NRG3: variants seen among roughly 807,000 people sequenced by gnomAD.
NRG3 encodes neuregulin 3, also known as pro-neuregulin-3, membrane-bound isoform.
A neutral mutation model predicts 66.9 loss-of-function variants in NRG3; 31 were observed. The observed-to-expected ratio is 0.46, with a 90% confidence interval of 0.35 to 0.63. The LOEUF (loss-of-function observed/expected upper bound fraction) is 0.63. Ranked by LOEUF, NRG3 falls within the 20% of genes least tolerant of loss-of-function variation. The probability of loss-of-function intolerance (pLI) is 0.00; values close to 1 mark genes in which losing one functional copy is unlikely to be tolerated. For synonymous variants in NRG3, 393 were observed against 359.4 expected, an observed-to-expected ratio of 1.09 and a Z score of -1.06; for missense variants, 910 against 878.9, an observed-to-expected ratio of 1.04 and a Z score of -0.45.
intron 1 of NRG3, among the ~76,000 whole-genome samples, chr10:82,349,609 G>T (rs553129317): frequency 6.7e-6 from 1 of 148,234 alleles, no homozygotes; most frequent in Non-Finnish European, 1.5e-5. Flanking sequence ...CGAGCTTCCC[G>T]GCTGCTTTGT....
intron 2 of NRG3, among the ~76,000 whole-genome samples, chr10:82,627,601 C>G (rs570570288): frequency 1.3e-5 from 2 of 152,228 alleles, no homozygotes; most frequent in South Asian, 4.1e-4. Context: ...CTGCAAGACT[C>G]CTTTTAATTA....
chr10:81,878,692 C>T (rs558348547), intron 1 of NRG3, among the ~76,000 whole-genome samples: 3 of 152,036 alleles, frequency 2.0e-5, no homozygotes, highest in Admixed American at 2.0e-4. Flanking sequence ...TCTTTCCGTC[C>T]TTTCTTTTTT....
At chr10:82,899,718 A>G (rs1844024501) in intron 4 of NRG3, among the ~76,000 whole-genome samples, 1 of 152,168 alleles carries the variant, frequency 6.6e-6, no homozygotes, top group African/African-American at 2.4e-5. Context: ...AAAGGTGTAG[A>G]GGGAAATATT....
intron 2 of NRG3, among the ~76,000 whole-genome samples, chr10:82,705,549 A>G (rs2056226097): frequency 6.6e-6 from 1 of 152,180 alleles, no homozygotes; most frequent in African/African-American, 2.4e-5. Context: ...TCCAAGCTGC[A>G]GGGTCCACAA....
In NRG3 at chr10:82,883,136, G is replaced by A. The variant is rs150676368; in HGVS notation, c.1054+17699G>A. Among the ~76,000 whole-genome samples the A allele has an allele frequency of 8.3e-3, 1,268 of 152,200 alleles. 16 individuals are homozygous for A. Among genetic ancestry groups the A allele is most frequent in the Non-Finnish European group, 8.5e-3 (579 of 68,002 alleles). On this transcript the variant is annotated intron_variant, in intron 4 of 8. Transcript: ENST00000372141. ...AGTTACATAATATGTTGATGTATGC[G>A]GAATGTGCTATATAAGAAGGCATGC... is the stretch of plus-strand genomic sequence containing the variant.
chr10:82,858,421 T>C (rs866035877), intron 3 of NRG3, among the ~76,000 whole-genome samples: 2 of 152,140 alleles, frequency 1.3e-5, no homozygotes, highest in South Asian at 2.1e-4. Context: ...TCCATACTCT[T>C]ATCTCGGAGC....
chr10:82,560,210 A>AT (rs1323876681), intron 2 of NRG3, among the ~76,000 whole-genome samples: 3 of 151,586 alleles, frequency 2.0e-5, no homozygotes, highest in East Asian at 3.9e-4. Context: ...CTTTTAACTT[A>AT]TTTTTTCCAG....
At chr10:82,396,071 G>A (rs1305467892) in intron 2 of NRG3, among the ~76,000 whole-genome samples, 1 of 152,152 alleles carries the variant, frequency 6.6e-6, no homozygotes, top group Admixed American at 6.5e-5. Context: ...TAGTATGGAG[G>A]GAATGAGTTT....
In NRG3 at chr10:82,587,600, T is replaced by A. The variant is rs376525563; in HGVS notation, c.954-150977T>A. On this transcript the variant is annotated intron_variant, in intron 2 of 8. Coordinates refer to ENST00000372141, the MANE Select transcript of NRG3 (RefSeq NM_001010848.4). ...GAACAACCAAGAGGTAGGCCCAACA[T>A]CATCCAGGCTCTCCAGCCCAATCTT... Among the ~76,000 whole-genome samples the A allele has an allele frequency of 7.9e-5, 12 of 152,310 alleles. No individual in the cohort carries two copies. The South Asian group carries it at 1.5e-3, about 18-fold the overall frequency.
At chr10:82,829,921 A>G (rs1027513704) in intron 3 of NRG3, among the ~76,000 whole-genome samples, 1 of 152,178 alleles carries the variant, frequency 6.6e-6, no homozygotes, top group Non-Finnish European at 1.5e-5. Context: ...CGTCAATGAG[A>G]TACTTGCCCC....
chr10:82,178,469 C>T (rs538784537), intron 1 of NRG3, among the ~76,000 whole-genome samples: 4 of 152,120 alleles, frequency 2.6e-5, no homozygotes, highest in Non-Finnish European at 2.9e-5. Flanking sequence ...TAAGTGGAAT[C>T]GAGCAGTATT....
At chr10:82,462,059 A>G (rs531651290) in intron 2 of NRG3, among the ~76,000 whole-genome samples, 33 of 152,282 alleles carry the variant, frequency 2.2e-4, no homozygotes, top group African/African-American at 7.7e-4. Flanking sequence ...TGAACCCGGG[A>G]GGCGGAGGTG....
rs577136420 is a variant in NRG3 at position 81,951,850 on chromosome 10, T to G, written c.823+75687T>G. On this transcript the variant is annotated intron_variant, in intron 1 of 8. Transcript: ENST00000372141. ...ATGTTTACTGCGGCACTATTCACAATAGCAAAGACTTGGAACCAACCCAAA... is the reference window on the plus strand; with the variant it reads ...ATGTTTACTGCGGCACTATTCACAAGAGCAAAGACTTGGAACCAACCCAAA... Among the ~76,000 whole-genome samples the G allele has an allele frequency of 8.1e-3, 1,228 of 152,298 alleles. 10 individuals carry two copies. Among genetic ancestry groups the G allele is most frequent in the Middle Eastern group, 0.037 (11 of 294 alleles).
intron 3 of NRG3, among the ~76,000 whole-genome samples, chr10:82,751,119 C>T (rs1158427036): frequency 6.6e-6 from 1 of 152,124 alleles, no homozygotes; most frequent in African/African-American, 2.4e-5. Context: ...ACTGGATCTT[C>T]TGAATTCCTG....
chr10:82,802,411 C>G (rs2061081025), intron 3 of NRG3, among the ~76,000 whole-genome samples: 1 of 152,144 alleles, frequency 6.6e-6, no homozygotes, highest in African/African-American at 2.4e-5. Context: ...TGAAAACAAA[C>G]ATGCTGATCA....
intron 4 of NRG3, among the ~76,000 whole-genome samples, chr10:82,874,792 T>C (rs958502655): frequency 7.2e-5 from 11 of 152,216 alleles, no homozygotes; most frequent in Non-Finnish European, 1.5e-4. Flanking sequence ...TCTCCAGAGC[T>C]CTTGAATTAT....
chr10:82,245,985 T>TTTGG (rs200397431), intron 1 of NRG3, among the ~76,000 whole-genome samples: 2 of 117,842 alleles, frequency 1.7e-5, no homozygotes. Flanking sequence ...CTGGTTTTTT[T>TTTGG]TTTTTTTTTT....
intron 1 of NRG3, among the ~76,000 whole-genome samples, chr10:82,198,928 C>T (rs556929363): frequency 6.7e-6 from 1 of 148,192 alleles, no homozygotes; most frequent in Non-Finnish European, 1.5e-5. Flanking sequence ...ACCCGGGAGG[C>T]GGAGGTTGCA....
intron 2 of NRG3, among the ~76,000 whole-genome samples, chr10:82,493,926 A>G (rs1467622335): frequency 1.3e-5 from 2 of 152,222 alleles, no homozygotes; most frequent in Non-Finnish European, 2.9e-5. Context: ...AAAGTGGGCA[A>G]AAGACATGAA....
Sources: allele counts gnomAD v4.1 joint callset (sites outside exome capture counted in the v4.1 genomes callset), GRCh38; gene constraint gnomAD v4.1.1; transcripts MANE v1.5; gene names NCBI Gene and HGNC (gene_info 2026-07-23, HGNC 2026-07-21).